Variants in APEX2 observed in about 807,000 individuals in gnomAD.
APEX2 encodes apurinic/apyrimidinic endodeoxyribonuclease 2.
APEX2 carries 4 observed loss-of-function variants against 16.7 expected under a neutral mutation model. The ratio of observed to expected loss-of-function variants is 0.24; its 90% CI spans 0.12 to 0.55. The LOEUF is 0.55. APEX2 is among the 20% of genes least tolerant of loss of function. The pLI, the probability that APEX2 is intolerant of heterozygous loss-of-function variation, is 0.94. For synonymous variants in APEX2, 181 were observed against 166.9 expected, an observed-to-expected ratio of 1.08 and a Z score of -0.65; for missense variants, 357 against 433.6, an observed-to-expected ratio of 0.82 and a Z score of 1.57.
chrX:55,003,447 A>C (rs1228939694), intron 4 of APEX2, among the ~76,000 whole-genome samples: 3 of 112,279 alleles, frequency 2.7e-5, no homozygotes, highest in African/African-American at 9.7e-5. Flanking sequence ...GGAGCAAAGG[A>C]AAGTCTTGTT....
chrX:55,008,929 C>T lies in APEX2; in HGVS notation c.*1494C>T, dbSNP rs969622985. Reference sequence around the variant, plus strand: ...GGGCATTTCCTTCCTCTTTCTCATTCTGTTTCCCTGTTGGTAAAATGGAAT... The same window carrying T: ...GGGCATTTCCTTCCTCTTTCTCATTTTGTTTCCCTGTTGGTAAAATGGAAT... On this transcript the variant is annotated 3_prime_UTR_variant, in exon 6 of 6. Coordinates refer to ENST00000374987, the MANE Select transcript of APEX2 (RefSeq NM_014481.4). 3.1e-5 allele frequency: 12 copies of T among 391,925 alleles called. No homozygotes were observed. The highest frequency in any genetic ancestry group is 4.5e-5 in the Non-Finnish European group (10 of 223,300). 32.3% of individuals were successfully genotyped at this position (391,925 alleles called of 1,213,427 possible).
Position 55,006,999 on chromosome X carries a change from T to A in APEX2, c.1121T>A (p.Val374Glu), listed in dbSNP as rs1935509475. The A allele has an allele frequency of 8.3e-7, 1 of 1,210,078 alleles. No homozygotes were observed. The highest frequency in any genetic ancestry group is 1.7e-5 in the African/African-American group (1 of 57,157). The change falls in exon 6 of 6, where the codon GTG becomes GAG. Residue 374 changes from valine to glutamate, a missense_variant. Val to Glu is a moderately radical substitution (Grantham distance 121, BLOSUM62 -2). Coordinates refer to ENST00000374987, the MANE Select transcript of APEX2 (RefSeq NM_014481.4). ...RVQTCQNKAQVRSTRPQPSQV... is the reference protein window; with the variant it reads ...RVQTCQNKAQERSTRPQPSQV... ...CAGACATGCCAAAACAAAGCCCAAG[T>A]GCGCTCAACCAGGCCTCAGCCCAGT...
Position 55,007,142 on chromosome X carries a change from A to G in APEX2, c.1264A>G (p.Met422Val), listed in dbSNP as rs200104735. Residue 422 changes from methionine (M) to valine (V), a missense_variant, in exon 6 of 6, where the codon ATG becomes GTG. Coordinates refer to ENST00000374987, the MANE Select transcript of APEX2 (RefSeq NM_014481.4). ...LPSLPLMSALMTPKTPEEKAV... is the reference protein window; with the variant it reads ...LPSLPLMSALVTPKTPEEKAV... ...TAGCCTACCACTGATGAGCGCCCTC[A>G]TGACCCCGAAGACTCCAGAAGAGAA... 7.4e-6 allele frequency: 9 copies of G among 1,210,256 alleles called. No individual in the cohort carries two copies. The highest frequency in any genetic ancestry group is 3.5e-5 in the African/African-American group (2 of 57,257).
chrX:55,003,726 T>G, intron 4 of APEX2, 73 bp from the exon 5 acceptor site: 8 of 1,048,921 alleles, frequency 7.6e-6, no homozygotes, highest in Non-Finnish European at 1.1e-5. Context: ...GTCTGAGCTC[T>G]TGGGCCCAGG....
Position 55,000,552 on chromosome X carries a change from G to T in APEX2, c.130G>T (p.Val44Phe). ...RILDELDADI[V>F]CLQETKVTRD... is the part of the protein sequence containing the mutation. ...TTTGGACGAGCTGGATGCGGATATC[G>T]TCTGTCTCCAGGAAACCAAAGTGAC... Residue 44 changes from valine (V) to phenylalanine (F), a missense_variant, in exon 1 of 6, where the codon GTC becomes TTC. Physicochemically the swap from Val to Phe is conservative, Grantham distance 50. Coordinates refer to ENST00000374987, the MANE Select transcript of APEX2 (RefSeq NM_014481.4). 1.7e-6 allele frequency: 2 copies of T among 1,209,502 alleles called. No individual in the cohort carries two copies. The highest frequency in any genetic ancestry group is 2.2e-6 in the Non-Finnish European group (2 of 894,519).
Position 55,008,551 on chromosome X carries a change from CAA to C in APEX2, c.*1117_*1118del, listed in dbSNP as rs918816117. ...ATGCATTGCACTCCAGCCTGGGCAA[CAA>C]GAGTGAAATTCAGTCTCCAAAAAAA... On this transcript the variant is annotated 3_prime_UTR_variant, in exon 6 of 6. Coordinates refer to ENST00000374987, the MANE Select transcript of APEX2 (RefSeq NM_014481.4). 2 of 98,979 alleles carry C rather than the reference CAA, an allele frequency of 2.0e-5. No homozygotes were observed. Among genetic ancestry groups the C allele is most frequent in the South Asian group, 4.7e-4 (1 of 2,150 alleles). The allele number at this position is 98,979 out of a possible 1,213,427, so 8.2% of individuals were successfully genotyped here. A position where few individuals can be genotyped will look rare whatever the true frequency, so the allele number is the denominator to read the frequency against.
intron 2 of APEX2, 41 bp from the exon 3 acceptor site, chrX:55,002,210 T>C: frequency 1.8e-6 from 2 of 1,126,703 alleles, no homozygotes; most frequent in South Asian, 2.2e-5. Flanking sequence ...CAACAGGCTA[T>C]TGACTGCCAG....
chrX:55,006,858 G>T lies in APEX2; in HGVS notation c.980G>T (p.Arg327Leu), dbSNP rs746072761. 6 of 1,211,708 alleles carry T rather than the reference G, an allele frequency of 5.0e-6. No homozygotes were observed. The highest frequency in any genetic ancestry group is 6.7e-6 in the Non-Finnish European group (6 of 895,453). ...PAKQCPPLCT[R>L]FLPEFAGTQL... ...AAACAGTGCCCACCTCTGTGCACCC[G>T]CTTCCTCCCTGAGTTTGCAGGCACC... Residue 327 changes from arginine (R) to leucine (L), a missense_variant, in exon 6 of 6, where the codon CGC becomes CTC. Physicochemically the swap from Arg to Leu is moderately radical, Grantham distance 102. Transcript: ENST00000374987.
chrX:55,001,498 C>T (rs1399081719), intron 1 of APEX2, 48 bp from the exon 2 acceptor site: 6 of 1,037,274 alleles, frequency 5.8e-6, no homozygotes, highest in Non-Finnish European at 7.9e-6. Flanking sequence ...TTGTGTTTCT[C>T]GGATGCTAGT....
In APEX2 at chrX:55,007,375, G is replaced by A. The variant is rs150566762; in HGVS notation, c.1497G>A (p.Arg499=). Residue 499 remains arginine (R), a synonymous_variant, in exon 6 of 6, where the codon CGG becomes CGA. Coordinates refer to ENST00000374987, the MANE Select transcript of APEX2 (RefSeq NM_014481.4). ...GRRFYMCARP[R]GPPTDPSSRC... ...GCTTCTACATGTGTGCCAGGCCCCG[G>A]GGTCCTCCCACTGACCCCTCCTCCC... 2.0e-4 allele frequency: 235 copies of A among 1,191,076 alleles called. No individual in the cohort carries two copies. Among genetic ancestry groups the A allele is most frequent in the Non-Finnish European group, 2.1e-4 (189 of 884,140 alleles).
At chrX:55,003,544 C>A (rs1173407220) in intron 4 of APEX2, among the ~76,000 whole-genome samples, 1 of 111,826 alleles carries the variant, frequency 8.9e-6, no homozygotes, top group African/African-American at 3.3e-5. Flanking sequence ...AAGAAAAATG[C>A]CCATTGGCTC....
chrX:55,003,751 C>T, intron 4 of APEX2, 48 bp from the exon 5 acceptor site: 2 of 1,152,559 alleles, frequency 1.7e-6, no homozygotes, highest in South Asian at 3.6e-5. Flanking sequence ...AGTATATGGG[C>T]CAGGACTGCT....
At chrX:55,003,725 C>T in intron 4 of APEX2, 74 bp from the exon 5 acceptor site, 1 of 1,045,553 alleles carries the variant, frequency 9.6e-7, no homozygotes, top group East Asian at 3.1e-5. Context: ...TGTCTGAGCT[C>T]TTGGGCCCAG....
intron 1 of APEX2, among the ~76,000 whole-genome samples, 170 bp downstream of exon 1, chrX:55,000,749 A>G (rs1935428944): frequency 9.1e-6 from 1 of 109,691 alleles, no homozygotes; most frequent in Non-Finnish European, 1.9e-5. Flanking sequence ...AGATCCCCTA[A>G]TTGCACTCCA....
intron 3 of APEX2, among the ~76,000 whole-genome samples, 171 bp downstream of exon 3, chrX:55,002,602 C>A (rs905344566): frequency 1.8e-5 from 2 of 112,056 alleles, no homozygotes; most frequent in Non-Finnish European, 3.8e-5. Context: ...GCAAATTTTT[C>A]CCCCCTCTGA....
In APEX2 at chrX:55,007,214, A is replaced by T. The variant is rs1327855830; in HGVS notation, c.1336A>T (p.Lys446Ter). 1 of 1,210,803 alleles carries T rather than the reference A, an allele frequency of 8.3e-7. No homozygotes were observed. ...VKGQAKTSEAKDEKELRTSFW... is the reference protein window; with the variant it reads ...VKGQAKTSEA ...GGGGCAGGCCAAGACTTCAGAAGCC[A>T]AAGATGAGAAGGAGTTACGGACCTC... Residue 446 changes from lysine to a stop codon, truncating the protein, a stop_gained, in exon 6 of 6, where the codon AAA becomes TAA. Coordinates refer to ENST00000374987, the MANE Select transcript of APEX2 (RefSeq NM_014481.4). LOFTEE classifies it high-confidence loss of function.
chrX:55,006,692 T>C lies in APEX2; in HGVS notation c.814T>C (p.Tyr272His). The change falls in exon 6 of 6, where the codon TAT becomes CAT. Residue 272 changes from tyrosine to histidine, a missense_variant. By Grantham distance (83) the Tyr-to-His change is moderately conservative (BLOSUM62 2). Coordinates refer to ENST00000374987, the MANE Select transcript of APEX2 (RefSeq NM_014481.4). ...AGTCACTGGCGCCCGCCATCTCAAC[T>C]ATGGCTCCCGGCTTGACTATGTGCT... is the stretch of plus-strand genomic sequence containing the variant. ...SAVTGARHLN[Y>H]GSRLDYVLGD... 8.6e-7 allele frequency: 1 copy of C among 1,168,149 alleles called. No homozygotes were observed. The highest frequency in any genetic ancestry group is 1.1e-6 in the Non-Finnish European group (1 of 871,872).
At chrX:55,001,739 A>G in intron 2 of APEX2, 110 bp downstream of exon 2, 1 of 602,485 alleles carries the variant, frequency 1.7e-6, no homozygotes, top group Non-Finnish European at 2.5e-6. Context: ...TTTAGTTTAC[A>G]GAGCTAAAGC....
In APEX2 at chrX:55,003,734, A is replaced by C; in HGVS notation, c.570-65A>C. The C allele has an allele frequency of 7.3e-6, 8 of 1,099,174 alleles. No individual in the cohort carries two copies. In the South Asian group the frequency reaches 1.3e-4, roughly 18 times the overall value. The allele number at this position is 1,099,174 out of a possible 1,213,427, so 90.6% of individuals were successfully genotyped here. On this transcript the variant is annotated intron_variant, in intron 4 of 5. Transcript: ENST00000374987. ...AGGGCCTGTCTGAGCTCTTGGGCCCAGGAAAAAGTATATGGGCCAGGACTG... is the reference window on the plus strand; with the variant it reads ...AGGGCCTGTCTGAGCTCTTGGGCCCCGGAAAAAGTATATGGGCCAGGACTG...
Sources: allele counts gnomAD v4.1 joint callset (sites outside exome capture counted in the v4.1 genomes callset), GRCh38; gene constraint gnomAD v4.1.1; transcripts MANE v1.5; gene names NCBI Gene and HGNC (gene_info 2026-07-23, HGNC 2026-07-21).